The following ZNF804B variants were observed in gnomAD, a reference collection of about 807,000 sequenced individuals.
The protein encoded by ZNF804B is zinc finger protein 804B.
Under a neutral mutation model 101.4 loss-of-function variants are expected in ZNF804B, and 80 were observed. The ratio of observed to expected loss-of-function variants is 0.79; its 90% confidence interval spans 0.66 to 0.95. The LOEUF (loss-of-function observed/expected upper bound fraction) is 0.95. Among genes scored for constraint, ZNF804B ranks in the 40% least tolerant of loss-of-function variants. The pLI is 0.00. For synonymous variants in ZNF804B, 622 were observed against 558.8 expected (o/e 1.11, Z -1.59); for missense variants, 1,673 against 1,561.9 (o/e 1.07, Z -1.20).
intron 2 of ZNF804B, among the ~76,000 whole-genome samples, chr7:89,248,386 A>G (rs928182275): frequency 2.0e-5 from 3 of 151,732 alleles, no homozygotes; most frequent in Admixed American, 2.0e-4. Flanking sequence ...CAAAGGGAAC[A>G]CTATCAGGCT....
At chr7:89,284,427 A>G (rs1481478665) in intron 2 of ZNF804B, among the ~76,000 whole-genome samples, 1 of 152,200 alleles carries the variant, frequency 6.6e-6, no homozygotes, top group Non-Finnish European at 1.5e-5. Flanking sequence ...AAAAATCATG[A>G]TATTATAGGA....
intron 1 of ZNF804B, among the ~76,000 whole-genome samples, chr7:88,914,016 G>C (rs1406168819): frequency 6.6e-6 from 1 of 152,146 alleles, no homozygotes; most frequent in Admixed American, 6.6e-5. Context: ...ATTGATAGTA[G>C]TTGAAGTCTG....
chr7:89,088,999 C>G (rs780893852), intron 1 of ZNF804B, among the ~76,000 whole-genome samples: 9 of 151,610 alleles, frequency 5.9e-5, no homozygotes, highest in Non-Finnish European at 1.3e-4. Flanking sequence ...GCTCTCATTT[C>G]TCTCCATGTG....
intron 1 of ZNF804B, among the ~76,000 whole-genome samples, chr7:88,786,055 T>C (rs1347982313): frequency 6.6e-6 from 1 of 152,184 alleles, no homozygotes; most frequent in East Asian, 1.9e-4. Context: ...ATTTTGCTTA[T>C]GATTGTACCC....
At chr7:89,199,488 T>C (rs1788600284) in intron 1 of ZNF804B, among the ~76,000 whole-genome samples, 1 of 151,932 alleles carries the variant, frequency 6.6e-6, no homozygotes, top group African/African-American at 2.4e-5. Flanking sequence ...AATATAAGGC[T>C]TTTACTATAC....
intron 1 of ZNF804B, among the ~76,000 whole-genome samples, chr7:88,881,399 A>T (rs1454611376): frequency 6.6e-6 from 1 of 152,124 alleles, no homozygotes; most frequent in Non-Finnish European, 1.5e-5. Flanking sequence ...CCCACAGCAG[A>T]TTCTTCACCA....
At chr7:89,279,318 C>A (rs1161593722) in intron 2 of ZNF804B, among the ~76,000 whole-genome samples, 6 of 151,868 alleles carry the variant, frequency 4.0e-5, no homozygotes, top group Admixed American at 2.0e-4. Context: ...TTGACTTCCT[C>A]TTTTCCTAAT....
chr7:89,270,972 AC>A (rs1789884261), intron 2 of ZNF804B, among the ~76,000 whole-genome samples: 1 of 152,178 alleles, frequency 6.6e-6, no homozygotes, highest in South Asian at 2.1e-4. Context: ...TTGGGCTGAG[AC>A]AATGGGGTTT....
intron 1 of ZNF804B, among the ~76,000 whole-genome samples, chr7:89,125,702 G>A (rs527296445): frequency 7.3e-4 from 111 of 151,928 alleles, no homozygotes; most frequent in African/African-American, 2.6e-3. Flanking sequence ...GTATCTTAGC[G>A]TGTTTGGTAC....
intron 1 of ZNF804B, among the ~76,000 whole-genome samples, chr7:89,021,233 T>G (rs775005061): frequency 2.6e-5 from 4 of 152,160 alleles, no homozygotes; most frequent in Non-Finnish European, 4.4e-5. Flanking sequence ...GCAATCCATT[T>G]TAGTGATGTT....
rs1488515819 is a variant in ZNF804B at position 88,865,008 on chromosome 7, C to T, written c.108+104924C>T. 2.6e-5 allele frequency among the ~76,000 whole-genome samples: 4 copies of T among 152,122 alleles called. No homozygotes were observed. The East Asian group carries it at 5.8e-4, about 22-fold the overall frequency. ...CTTTGGGAGGCCAAGGCAGGTGGAT[C>T]ACCTGAGGTCAGGAGTTCAAGGCCA... is the stretch of plus-strand genomic sequence containing the variant. On this transcript the variant is annotated intron_variant, in intron 1 of 3. Coordinates refer to ENST00000333190, the MANE Select transcript of ZNF804B (RefSeq NM_181646.5).
intron 1 of ZNF804B, among the ~76,000 whole-genome samples, chr7:88,855,559 G>C (rs1209897392): frequency 6.6e-6 from 1 of 152,108 alleles, no homozygotes; most frequent in East Asian, 1.9e-4. Context: ...TAGGTTGCCT[G>C]TTCACTCTGA....
At chr7:89,049,156 G>A (rs1390994301) in intron 1 of ZNF804B, among the ~76,000 whole-genome samples, 2 of 150,232 alleles carry the variant, frequency 1.3e-5, no homozygotes, top group Non-Finnish European at 2.9e-5. Flanking sequence ...TTCATGCTGA[G>A]ACTCCTTGAC....
At chr7:89,187,453 G>T (rs1788391228) in intron 1 of ZNF804B, among the ~76,000 whole-genome samples, 1 of 152,048 alleles carries the variant, frequency 6.6e-6, no homozygotes, top group Admixed American at 6.6e-5. Context: ...CCAAAATAAA[G>T]TAAAAACAGT....
intron 1 of ZNF804B, among the ~76,000 whole-genome samples, chr7:88,783,076 G>A (rs943326894): frequency 2.6e-4 from 39 of 152,176 alleles, no homozygotes; most frequent in African/African-American, 8.7e-4. Context: ...CTCATTAAAA[G>A]GTAATATTGA....
At chr7:89,218,421 C>T (rs985803088) in intron 2 of ZNF804B, 126 bp downstream of exon 2, 164 of 1,161,980 alleles carry the variant, frequency 1.4e-4, no homozygotes, top group Non-Finnish European at 1.9e-4. Context: ...GTCTTTTTTC[C>T]CCCCTGGAAA....
At chr7:89,176,145 G>C (rs183002546) in intron 1 of ZNF804B, among the ~76,000 whole-genome samples, 1 of 152,046 alleles carries the variant, frequency 6.6e-6, no homozygotes, top group African/African-American at 2.4e-5. Flanking sequence ...AGATCTTAGA[G>C]GAAAGGCTTT....
chr7:89,260,010 G>C (rs1473975820), intron 2 of ZNF804B, among the ~76,000 whole-genome samples: 2 of 151,782 alleles, frequency 1.3e-5, no homozygotes, highest in African/African-American at 4.8e-5. Flanking sequence ...GAGAGAGAGG[G>C]AGAGAGGGAG....
At chr7:88,827,218 G>A (rs1403314540) in intron 1 of ZNF804B, among the ~76,000 whole-genome samples, 1 of 151,644 alleles carries the variant, frequency 6.6e-6, no homozygotes, top group Non-Finnish European at 1.5e-5. Flanking sequence ...TTTCCAAGAG[G>A]ATACAGTATA....
Sources: allele counts gnomAD v4.1 joint callset (sites outside exome capture counted in the v4.1 genomes callset), GRCh38; gene constraint gnomAD v4.1.1; transcripts MANE v1.5; gene names NCBI Gene and HGNC (gene_info 2026-07-23, HGNC 2026-07-21).